MAK16: variants seen among roughly 807,000 people sequenced by gnomAD.
MAK16 encodes the protein MAK16 homolog, also known as protein MAK16 homolog.
A neutral mutation model predicts 49.9 loss-of-function variants in MAK16; 12 were observed. The ratio of observed to expected loss-of-function variants is 0.24; its 90% CI spans 0.15 to 0.39. MAK16 has a LOEUF of 0.39. MAK16 is among the 10% of genes least tolerant of loss of function. The pLI is 1.00. For missense variants in MAK16, 292 were observed against 363.7 expected (o/e 0.80, Z 1.60); for synonymous variants, 115 against 126.4 (o/e 0.91, Z 0.60).
rs1262037343 is a variant in MAK16 at position 33,498,468 on chromosome 8, C to G, written c.742C>G (p.Gln248Glu). 5 of 1,613,920 alleles carry G rather than the reference C, an allele frequency of 3.1e-6. No individual in the cohort carries two copies. The highest frequency in any genetic ancestry group is 4.2e-6 in the Non-Finnish European group (5 of 1,179,996). The change falls in exon 10 of 10, where the codon CAG (glutamine) becomes GAG (glutamate). Residue 248 changes from glutamine to glutamate, a missense_variant. Physicochemically the swap from Gln to Glu is conservative, Grantham distance 29. Transcript: ENST00000360128. The stretch of plus-strand genomic sequence containing the variant: ...ACTGGATGCCAGCAGTGATGAAGAT[C>G]AGGATGGTAAATCCTCCAGTGAGGA... ...DKLDASSDED[Q>E]DGKSSSEEEE...
chr8:33,485,801 C>G (rs1208484327), intron 1 of MAK16, among the ~76,000 whole-genome samples: 1 of 152,120 alleles, frequency 6.6e-6, no homozygotes, highest in African/African-American at 2.4e-5. Flanking sequence ...TCCCACCTCT[C>G]CTGGAACACT....
At position 33,488,872 on chromosome 8, in the gene MAK16, A is replaced by G. The variant is rs547003692; in HGVS notation, c.240+74A>G. On this transcript the variant is annotated intron_variant, in intron 4 of 9. Transcript: ENST00000360128. ...GCCACATGCTTGACCATGATGCCCA[A>G]TTCCATGACCATTAACTTTTGAGGC... 1.4e-4 allele frequency: 218 copies of G among 1,598,850 alleles called. 1 individual carries two copies. In the South Asian group the frequency reaches 2.1e-3, roughly 15 times the overall value.
intron 6 of MAK16, among the ~76,000 whole-genome samples, chr8:33,490,572 C>CAAAAG (rs1808762151): frequency 6.6e-6 from 1 of 152,184 alleles, no homozygotes; most frequent in Admixed American, 6.6e-5. Flanking sequence ...AAAGAATCCA[C>CAAAAG]AACTCCTTTT....
rs962790271 is a variant in MAK16, at chr8:33,490,584, C to A, written c.447+245C>A. Among the ~76,000 whole-genome samples the A allele has an allele frequency of 2.0e-5, 3 of 152,152 alleles. No individual in the cohort carries two copies. In the South Asian group the frequency reaches 6.2e-4, roughly 31 times the overall value. ...CAGAAAGAATCCACAACTCCTTTTT[C>A]TGAATTTCTTGTGGTCAAATATTTC... is the stretch of plus-strand genomic sequence containing the variant. On this transcript the variant is annotated intron_variant, in intron 6 of 9. Transcript: ENST00000360128.
chr8:33,490,425 G>A (rs1350275344), intron 6 of MAK16, 86 bp downstream of exon 6: 5 of 1,029,174 alleles, frequency 4.9e-6, no homozygotes, highest in Middle Eastern at 2.1e-4. Flanking sequence ...TATGTAAACT[G>A]TTGAGGCCTT....
chr8:33,498,294 TAAAG>T (rs1378583398), intron 9 of MAK16, 134 bp from the exon 10 acceptor site: 141 of 538,514 alleles, frequency 2.6e-4, no homozygotes, highest in African/African-American at 2.6e-3. Context: ...AAAAAAAAAT[TAAAG>T]AAAGGGACAA....
In MAK16 at chr8:33,500,325, T is replaced by C; in HGVS notation, c.*1696T>C. Reference sequence around the variant, plus strand: ...ACTGAAACCAAGTTTCAGTCTGCCTTACCTTTACCCGTCCTTGAGAACAGC... The same window carrying C: ...ACTGAAACCAAGTTTCAGTCTGCCTCACCTTTACCCGTCCTTGAGAACAGC... On this transcript the variant is annotated 3_prime_UTR_variant, in exon 10 of 10. Transcript: ENST00000360128. 1 of 1,614,108 alleles carries C rather than the reference T, an allele frequency of 6.2e-7. No homozygotes were observed. Among genetic ancestry groups the C allele is most frequent in the Non-Finnish European group, 8.5e-7 (1 of 1,179,986 alleles).
At chr8:33,497,445 A>C in intron 9 of MAK16, 148 bp downstream of exon 9, 1 of 613,338 alleles carries the variant, frequency 1.6e-6, no homozygotes, top group Non-Finnish European at 2.9e-6. Context: ...TGAGCTCAGG[A>C]GTTCGAGACC....
chr8:33,496,543 A>ATTAC (rs1645951231), intron 7 of MAK16, 82 bp from the exon 8 acceptor site: 1 of 1,033,720 alleles, frequency 9.7e-7, no homozygotes, highest in African/African-American at 1.6e-5. Flanking sequence ...ACTGAGGAAA[A>ATTAC]AGTAATATTC....
In MAK16 at chr8:33,488,389, T is replaced by A; in HGVS notation, c.27T>A (p.Asp9Glu). Residue 9 changes from aspartate to glutamate, a missense_variant, in exon 2 of 10, where the codon GAT becomes GAA. By Grantham distance (45) the Asp-to-Glu change is conservative. Transcript: ENST00000360128. ...ACTTTGTCTTGCAGGTTATCTGGGA[T>A]ACACTAGGAAACAAGCAATTTTGTT... MQSDDVIWDTLGNKQFCSF... is the reference protein window; with the variant it reads MQSDDVIWETLGNKQFCSF... The A allele has an allele frequency of 6.2e-7, 1 of 1,614,214 alleles. No individual in the cohort carries two copies. The highest frequency in any genetic ancestry group is 8.5e-7 in the Non-Finnish European group (1 of 1,180,028).
At position 33,498,687 on chromosome 8, in the gene MAK16, T is replaced by TTA; in HGVS notation, c.*59_*60insAT. ...CATGCAGAACTGTTTTTTTTTTTTT[T>TTA]TTATCTTAAACACATACACACCTCC... On this transcript the variant is annotated 3_prime_UTR_variant, in exon 10 of 10. Transcript: ENST00000360128. The TTA allele has an allele frequency of 6.7e-7, 1 of 1,495,374 alleles. No homozygotes were observed. Among genetic ancestry groups the TTA allele is most frequent in the Non-Finnish European group, 9.1e-7 (1 of 1,099,242 alleles). The allele number at this position is 1,495,374 out of a possible 1,614,324, so 92.6% of individuals were successfully genotyped here. A position where few individuals can be genotyped will look rare whatever the true frequency, so the allele number is the denominator to read the frequency against.
chr8:33,499,444 T>C lies in MAK16; in HGVS notation c.*815T>C. 1 of 586,966 alleles carries C rather than the reference T, an allele frequency of 1.7e-6. No homozygotes were observed. The highest frequency in any genetic ancestry group is 3.0e-6 in the Non-Finnish European group (1 of 332,212). 36.4% of individuals were successfully genotyped at this position (586,966 alleles called of 1,614,324 possible). ...GTATTAGTTGGTTTTTTATTATTTTTAAATTTATATAGCTCTCATGTATTG... is the reference window on the plus strand; with the variant it reads ...GTATTAGTTGGTTTTTTATTATTTTCAAATTTATATAGCTCTCATGTATTG... On this transcript the variant is annotated 3_prime_UTR_variant, in exon 10 of 10. Coordinates refer to ENST00000360128, the MANE Select transcript of MAK16 (RefSeq NM_032509.4).
intron 1 of MAK16, chr8:33,485,450 A>T: frequency 1.6e-6 from 1 of 607,218 alleles, no homozygotes; most frequent in Admixed American, 2.6e-5. Flanking sequence ...ACCTCAGCCC[A>T]TGGGGTCGAT....
intron 8 of MAK16, 64 bp from the exon 9 acceptor site, chr8:33,497,168 C>T (rs1808877297): frequency 4.2e-6 from 5 of 1,193,042 alleles, no homozygotes; most frequent in Non-Finnish European, 6.2e-6. Flanking sequence ...TTTGTACTTA[C>T]TTAGATGTCT....
chr8:33,497,758 T>G (rs992695834), intron 9 of MAK16, among the ~76,000 whole-genome samples: 3 of 151,136 alleles, frequency 2.0e-5, no homozygotes, highest in Admixed American at 6.6e-5. Context: ...TCTCCCAAAG[T>G]GCTAAGATTA....
intron 1 of MAK16, among the ~76,000 whole-genome samples, chr8:33,486,518 C>CTCCA (rs1808690169): frequency 6.6e-6 from 1 of 152,196 alleles, no homozygotes; most frequent in African/African-American, 2.4e-5. Flanking sequence ...CACCACTGCA[C>CTCCA]TCCAGCCTGG....
chr8:33,494,865 G>A (rs1357216897), intron 6 of MAK16, among the ~76,000 whole-genome samples: 8 of 151,492 alleles, frequency 5.3e-5, no homozygotes, highest in African/African-American at 1.9e-4. Context: ...TGCAAGTTCC[G>A]CCTCCTGGGT....
At chr8:33,496,837 A>G in intron 8 of MAK16, 96 bp downstream of exon 8, 1 of 906,558 alleles carries the variant, frequency 1.1e-6, no homozygotes, top group Non-Finnish European at 1.6e-6. Flanking sequence ...CAAAAATGAT[A>G]TGTCTTCTTT....
At position 33,501,261 on chromosome 8, in the gene MAK16, G is replaced by T. The variant is rs1809068370; in HGVS notation, c.*2632G>T. On this transcript the variant is annotated 3_prime_UTR_variant, in exon 10 of 10. Transcript: ENST00000360128. ...GTACAATAAATCATATTTATGGACA[G>T]ATGCGTGACTGGGAGAAAAAAGTTT... 6.6e-6 allele frequency: 1 copy of T among 152,204 alleles called. No homozygotes were observed. Among genetic ancestry groups the T allele is most frequent in the Non-Finnish European group, 1.5e-5 (1 of 68,048 alleles). 9.4% of individuals were successfully genotyped at this position (152,204 alleles called of 1,614,324 possible). A position where few individuals can be genotyped will look rare whatever the true frequency, so the allele number is the denominator to read the frequency against.
Sources: allele counts gnomAD v4.1 joint callset (sites outside exome capture counted in the v4.1 genomes callset), GRCh38; gene constraint gnomAD v4.1.1; transcripts MANE v1.5; gene names NCBI Gene and HGNC (gene_info 2026-07-23, HGNC 2026-07-21).